HECW2: variants seen among roughly 807,000 people sequenced by gnomAD.
The protein encoded by HECW2 is HECT, C2 and WW domain containing E3 ubiquitin protein ligase 2.
HECW2 carries 61 observed loss-of-function variants against 175.2 expected under a neutral mutation model. That is an observed-to-expected ratio of 0.35 (90% CI 0.28 to 0.43). The LOEUF (loss-of-function observed/expected upper bound fraction) is 0.43, where lower values mean the gene tolerates loss of function less well. Ranked by LOEUF, HECW2 falls within the 20% of genes least tolerant of loss-of-function variation. HECW2 has a pLI of 1.00. For missense variants in HECW2, 1,524 were observed against 2,000.5 expected, an observed-to-expected ratio of 0.76 and a Z score of 4.54; for synonymous variants, 671 against 731.0, an observed-to-expected ratio of 0.92 and a Z score of 1.32.
chr2:196,257,275 G>C (rs1013692841), intron 18 of HECW2, among the ~76,000 whole-genome samples: 1 of 123,730 alleles, frequency 8.1e-6, no homozygotes, highest in Admixed American at 8.0e-5. Context: ...ACCATTGGAG[G>C]GTGAGGGGCG....
At chr2:196,493,011 C>T (rs1214302317) in intron 1 of HECW2, among the ~76,000 whole-genome samples, 2 of 152,126 alleles carry the variant, frequency 1.3e-5, no homozygotes, top group Non-Finnish European at 2.9e-5. Context: ...ATAGAGATGG[C>T]TGACTGAAAT....
At chr2:196,317,661 A>G (rs185981718) in intron 9 of HECW2, among the ~76,000 whole-genome samples, 37 of 151,950 alleles carry the variant, frequency 2.4e-4, no homozygotes, top group Admixed American at 1.4e-3. Flanking sequence ...TTAGGGTCAC[A>G]TGGTGGCTAC....
chr2:196,392,420 G>C (rs1694540806), intron 2 of HECW2, among the ~76,000 whole-genome samples: 1 of 152,052 alleles, frequency 6.6e-6, no homozygotes, highest in African/African-American at 2.4e-5. Flanking sequence ...TTGCTTTTAA[G>C]TTTTATATTC....
intron 1 of HECW2, among the ~76,000 whole-genome samples, chr2:196,473,201 G>T (rs1387693973): frequency 6.6e-6 from 1 of 152,158 alleles, no homozygotes; most frequent in Non-Finnish European, 1.5e-5. Context: ...AGAACCATTT[G>T]CATGTACTGA....
chr2:196,241,657 A>G (rs1418419976), intron 20 of HECW2, among the ~76,000 whole-genome samples: 1 of 152,224 alleles, frequency 6.6e-6, no homozygotes, highest in Non-Finnish European at 1.5e-5. Flanking sequence ...CATTCATGAC[A>G]TGTTCTGCTG....
chr2:196,495,173 T>G (rs539718502), intron 1 of HECW2, among the ~76,000 whole-genome samples: 1 of 152,108 alleles, frequency 6.6e-6, no homozygotes, highest in South Asian at 2.1e-4. Context: ...GTTCAAACGA[T>G]TCTCCTCACT....
At position 196,362,186 on chromosome 2, in the gene HECW2, G is replaced by A. The variant is rs1693609079; in HGVS notation, c.293-18422C>T. On this transcript the variant is annotated intron_variant, in intron 2 of 28. Coordinates refer to ENST00000644978, the MANE Select transcript of HECW2 (RefSeq NM_001348768.2). Reference sequence around the variant, plus strand: ...GTCCAGGCATCCTAAGTGAAAAAATGTATCACATCCCCTCGGCTGAGGCAG... The same window carrying A: ...GTCCAGGCATCCTAAGTGAAAAAATATATCACATCCCCTCGGCTGAGGCAG... 4.1e-6 allele frequency: 4 copies of A among 985,286 alleles called. No individual in the cohort carries two copies. In the Admixed American group the frequency reaches 2.5e-4, roughly 61 times the overall value. 61.0% of individuals were successfully genotyped at this position (985,286 alleles called of 1,614,324 possible).
At chr2:196,244,957 G>C (rs574273073) in intron 19 of HECW2, among the ~76,000 whole-genome samples, 2 of 152,282 alleles carry the variant, frequency 1.3e-5, no homozygotes, top group African/African-American at 4.8e-5. Context: ...ACATACAAAT[G>C]GTGTTTTATT....
chr2:196,294,374 G>A (rs1264526565), intron 13 of HECW2, among the ~76,000 whole-genome samples: 1 of 152,220 alleles, frequency 6.6e-6, no homozygotes, highest in Admixed American at 6.5e-5. Flanking sequence ...TTCTCAGACT[G>A]ATTCAAAGGG....
intron 1 of HECW2, among the ~76,000 whole-genome samples, chr2:196,534,870 T>C (rs1688964816): frequency 6.6e-6 from 1 of 152,126 alleles, no homozygotes; most frequent in Non-Finnish European, 1.5e-5. Flanking sequence ...AAGTCCAAGA[T>C]ACCAAAATCA....
intron 14 of HECW2, chr2:196,290,179 A>G (rs1412562624): frequency 6.6e-6 from 1 of 152,186 alleles, no homozygotes; most frequent in Non-Finnish European, 1.5e-5. Context: ...TACAATGCCA[A>G]CTTCAAGTTG....
chr2:196,584,084 C>T (rs1690890409), intron 1 of HECW2, among the ~76,000 whole-genome samples: 1 of 152,108 alleles, frequency 6.6e-6, no homozygotes, highest in Admixed American at 6.5e-5. Flanking sequence ...ACACTGAATT[C>T]CAGGAATGGC....
At chr2:196,274,321 T>C (rs1234893054) in intron 15 of HECW2, among the ~76,000 whole-genome samples, 198 bp from the exon 16 acceptor site, 1 of 151,822 alleles carries the variant, frequency 6.6e-6, no homozygotes, top group East Asian at 1.9e-4. Flanking sequence ...GTGGGGGGAG[T>C]TGAGGCATCC....
chr2:196,445,065 C>T (rs1427546050), intron 1 of HECW2, among the ~76,000 whole-genome samples: 1 of 152,186 alleles, frequency 6.6e-6, no homozygotes, highest in Non-Finnish European at 1.5e-5. Flanking sequence ...AGCCAGAAGG[C>T]AACATTCCTA....
At chr2:196,437,952 G>C (rs1450565802) in intron 1 of HECW2, among the ~76,000 whole-genome samples, 3 of 152,164 alleles carry the variant, frequency 2.0e-5, no homozygotes, top group African/African-American at 7.2e-5. Flanking sequence ...TCCTCAAAAG[G>C]CTGGATGGCG....
At chr2:196,214,373 T>C (rs1687396236) in intron 28 of HECW2, among the ~76,000 whole-genome samples, 1 of 152,234 alleles carries the variant, frequency 6.6e-6, no homozygotes, top group African/African-American at 2.4e-5. Context: ...TTATTCCATA[T>C]ACTTTAGTGG....
At chr2:196,249,127 C>G (rs1002601112) in intron 19 of HECW2, among the ~76,000 whole-genome samples, 1 of 152,116 alleles carries the variant, frequency 6.6e-6, no homozygotes, top group Non-Finnish European at 1.5e-5. Context: ...CTTTGGTTAC[C>G]TGGAAAATCC....
intron 1 of HECW2, among the ~76,000 whole-genome samples, chr2:196,538,097 G>T (rs2125461358): frequency 6.6e-6 from 1 of 152,350 alleles, no homozygotes; most frequent in East Asian, 1.9e-4. Flanking sequence ...AGACGAAGGA[G>T]TCCGACAGAG....
intron 17 of HECW2, chr2:196,269,366 T>C (rs1689638465): frequency 6.6e-6 from 1 of 151,574 alleles, no homozygotes; most frequent in African/African-American, 2.4e-5. Context: ...GCACCTGTCA[T>C]CCCAGCTACT....
Sources: allele counts gnomAD v4.1 joint callset (sites outside exome capture counted in the v4.1 genomes callset), GRCh38; gene constraint gnomAD v4.1.1; transcripts MANE v1.5; gene names NCBI Gene and HGNC (gene_info 2026-07-23, HGNC 2026-07-21).